The following CREB1 variants were observed in gnomAD, a reference collection of about 807,000 sequenced individuals.
CREB1 encodes cAMP responsive element binding protein 1, also known as cyclic AMP-responsive element-binding protein 1.
CREB1 carries 2 observed loss-of-function variants against 42.0 expected under a neutral mutation model. The observed-to-expected ratio is 0.05, with a 90% CI of 0.02 to 0.15. The LOEUF (loss-of-function observed/expected upper bound fraction) is 0.15. Ranked by LOEUF, CREB1 falls within the 10% of genes least tolerant of loss-of-function variation. The pLI is 1.00. For missense variants in CREB1, 199 were observed against 388.9 expected, an observed-to-expected ratio of 0.51 and a Z score of 4.11; for synonymous variants, 123 against 139.9, an observed-to-expected ratio of 0.88 and a Z score of 0.85.
intron 1 of CREB1, among the ~76,000 whole-genome samples, chr2:207,554,421 C>T (rs952593114): frequency 2.0e-5 from 3 of 152,094 alleles, no homozygotes; most frequent in Non-Finnish European, 4.4e-5. Context: ...AAGTCATGGG[C>T]TTTTTGTGTT....
chr2:207,605,662 A>G lies in CREB1; in HGVS notation c.*8604A>G, dbSNP rs1385992066. On this transcript the variant is annotated 3_prime_UTR_variant, in exon 8 of 8. Transcript: ENST00000353267. ...CTCTCCCTTTTTTTACACAAAAGGT[A>G]GGTACAAACAGTGGTTTATAAACTG... 1.3e-5 allele frequency among the ~76,000 whole-genome samples: 2 copies of G among 152,228 alleles called. No homozygotes were observed. The highest frequency in any genetic ancestry group is 2.4e-5 in the African/African-American group (1 of 41,462).
intron 1 of CREB1, among the ~76,000 whole-genome samples, chr2:207,532,248 G>A (rs1300786800): frequency 2.0e-5 from 3 of 151,700 alleles, no homozygotes; most frequent in South Asian, 2.1e-4. Context: ...CCAGCTACTC[G>A]GGGGGCTGGG....
chr2:207,563,280 G>T (rs1463245754), intron 3 of CREB1, among the ~76,000 whole-genome samples: 1 of 152,186 alleles, frequency 6.6e-6, no homozygotes, highest in African/African-American at 2.4e-5. Context: ...ACGTAAGTTT[G>T]TCTCCTTTAA....
chr2:207,559,963 T>G (rs191141318), intron 2 of CREB1, among the ~76,000 whole-genome samples: 1 of 152,328 alleles, frequency 6.6e-6, no homozygotes, highest in East Asian at 1.9e-4. Flanking sequence ...AGAGTCTGTA[T>G]TACATATTTG....
At chr2:207,530,266 G>C (rs1302346429) in intron 1 of CREB1, 132 bp downstream of exon 1, 1 of 152,002 alleles carries the variant, frequency 6.6e-6, no homozygotes, top group Non-Finnish European at 1.5e-5. Flanking sequence ...TGGAGCCTCC[G>C]CCCGAGCCCC....
chr2:207,552,128 A>G (rs924011156), intron 1 of CREB1, among the ~76,000 whole-genome samples: 2 of 152,054 alleles, frequency 1.3e-5, no homozygotes, highest in African/African-American at 4.8e-5. Flanking sequence ...AAATGATAAT[A>G]AAACACCAGT....
At position 207,576,003 on chromosome 2, in the gene CREB1, T is replaced by A. The variant is rs186471784; in HGVS notation, c.688+549T>A. Among the ~76,000 whole-genome samples, 1,260 of 146,738 alleles carry A rather than the reference T, an allele frequency of 8.6e-3. 22 individuals are homozygous for A. Among genetic ancestry groups the A allele is most frequent in the African/African-American group, 0.029 (1,169 of 39,986 alleles). On this transcript the variant is annotated intron_variant, in intron 6 of 7. Transcript: ENST00000353267. ...AGTTTTTATTATTATTATTATTATT[T>A]TTTTCTAGAGACATGGTCTCACTGT...
intron 7 of CREB1, among the ~76,000 whole-genome samples, chr2:207,594,314 T>G (rs1378105494): frequency 6.6e-6 from 1 of 152,194 alleles, no homozygotes; most frequent in African/African-American, 2.4e-5. Context: ...TGTGGTGCAG[T>G]AGATTTCCAG....
Position 207,605,642 on chromosome 2 carries a change from C to T in CREB1, c.*8584C>T, listed in dbSNP as rs930054136. On this transcript the variant is annotated 3_prime_UTR_variant, in exon 8 of 8. Coordinates refer to ENST00000353267, the MANE Select transcript of CREB1 (RefSeq NM_004379.5). ...TGTATGTTCTCTCCTCCTCCCTCTC[C>T]CTTTTTTTACACAAAAGGTAGGTAC... 2.6e-5 allele frequency among the ~76,000 whole-genome samples: 4 copies of T among 152,148 alleles called. No individual in the cohort carries two copies. The highest frequency in any genetic ancestry group is 2.9e-5 in the Non-Finnish European group (2 of 68,016).
In CREB1 at chr2:207,601,919, G is replaced by C. The variant is rs1318387710; in HGVS notation, c.*4861G>C. ...TGTAATAATGTTGACTATTAAGTTGGCTACACAGTCACTGTATGTACTAGG... is the reference window on the plus strand; with the variant it reads ...TGTAATAATGTTGACTATTAAGTTGCCTACACAGTCACTGTATGTACTAGG... On this transcript the variant is annotated 3_prime_UTR_variant, in exon 8 of 8. Coordinates refer to ENST00000353267, the MANE Select transcript of CREB1 (RefSeq NM_004379.5). 4.7e-6 allele frequency: 1 copy of C among 212,102 alleles called. No individual in the cohort carries two copies. The highest frequency in any genetic ancestry group is 9.5e-6 in the Non-Finnish European group (1 of 104,780). The allele number at this position is 212,102 out of a possible 1,614,324, so 13.1% of individuals were successfully genotyped here. A position where few individuals can be genotyped will look rare whatever the true frequency, so the allele number is the denominator to read the frequency against.
At chr2:207,586,826 T>G (rs2083927622) in intron 7 of CREB1, among the ~76,000 whole-genome samples, 1 of 152,238 alleles carries the variant, frequency 6.6e-6, no homozygotes, top group Non-Finnish European at 1.5e-5. Flanking sequence ...ATTGTCAGAT[T>G]AAAACCACAA....
intron 1 of CREB1, among the ~76,000 whole-genome samples, chr2:207,552,349 G>A (rs918559564): frequency 5.8e-4 from 89 of 152,140 alleles, no homozygotes; most frequent in African/African-American, 2.1e-3. Context: ...AAAAGATTAA[G>A]TAGTCTCAAT....
At chr2:207,566,747 G>A (rs1490765106) in intron 3 of CREB1, among the ~76,000 whole-genome samples, 2 of 152,124 alleles carry the variant, frequency 1.3e-5, no homozygotes, top group Non-Finnish European at 1.5e-5. Context: ...ACATTACTGT[G>A]AGTATTAAGT....
Position 207,602,780 on chromosome 2 carries a change from AT to A in CREB1, c.*5730del, listed in dbSNP as rs1223531205. ...TTAAAAGTGGGAAATAATTGTCAACATTTTTTTTGAGTATAGATTTATTAGG... is the reference window on the plus strand; with the variant it reads ...TTAAAAGTGGGAAATAATTGTCAACATTTTTTTGAGTATAGATTTATTAGG... On this transcript the variant is annotated 3_prime_UTR_variant, in exon 8 of 8. Coordinates refer to ENST00000353267, the MANE Select transcript of CREB1 (RefSeq NM_004379.5). 48 of 214,546 alleles carry A rather than the reference AT, an allele frequency of 2.2e-4. No homozygotes were observed. The highest frequency in any genetic ancestry group is 3.5e-4 in the East Asian group (5 of 14,468). 13.3% of individuals were successfully genotyped at this position (214,546 alleles called of 1,614,324 possible). A position where few individuals can be genotyped will look rare whatever the true frequency, so the allele number is the denominator to read the frequency against.
In CREB1 at chr2:207,603,475, GT is replaced by G. The variant is rs551183821; in HGVS notation, c.*6425del. 13 of 224,372 alleles carry G rather than the reference GT, an allele frequency of 5.8e-5. No individual in the cohort carries two copies. Among genetic ancestry groups the G allele is most frequent in the East Asian group, 1.3e-4 (2 of 15,542 alleles). The allele number at this position is 224,372 out of a possible 1,614,324, so 13.9% of individuals were successfully genotyped here. ...GGATGGGATCTCTATATTTTGTTGG[GT>G]TTTTTTTGCTAGTAGTGTGAAGCCA... On this transcript the variant is annotated 3_prime_UTR_variant, in exon 8 of 8. Transcript: ENST00000353267.
chr2:207,533,023 A>G (rs973317595), intron 1 of CREB1, among the ~76,000 whole-genome samples: 12 of 152,070 alleles, frequency 7.9e-5, no homozygotes, highest in Non-Finnish European at 1.3e-4. Flanking sequence ...GGAACATGTT[A>G]CTAAATTGTA....
chr2:207,557,097 C>T (rs2081757843), intron 2 of CREB1, among the ~76,000 whole-genome samples: 2 of 151,862 alleles, frequency 1.3e-5, no homozygotes, highest in African/African-American at 2.4e-5. Flanking sequence ...GAGATTGCGC[C>T]ACTGCATTCC....
At chr2:207,570,412 C>T (rs1387214073) in intron 5 of CREB1, 91 bp downstream of exon 5, 49 of 1,236,994 alleles carry the variant, frequency 4.0e-5, no homozygotes, top group Non-Finnish European at 5.4e-5. Flanking sequence ...GAAACCAATA[C>T]AAGTGCCAAG....
chr2:207,577,640 G>A lies in CREB1; in HGVS notation c.824G>A (p.Arg275His). ...AEEAARKREV[R>H]LMKNREAARE... ...GAAGCAGCACGAAAGAGAGAGGTCC[G>A]TCTAATGAAGAACAGGTACAAATAC... Residue 275 changes from arginine to histidine, a missense_variant, in exon 7 of 8, where the codon CGT becomes CAT. Physicochemically the swap from Arg to His is conservative, Grantham distance 29. Around this residue, in one of 4 missense-constraint regions of CREB1, gnomAD observed 14 missense variants for 93.0 expected, o/e 0.15. Coordinates refer to ENST00000353267, the MANE Select transcript of CREB1 (RefSeq NM_004379.5). 6.2e-7 allele frequency: 1 copy of A among 1,613,940 alleles called. No individual in the cohort carries two copies. Among genetic ancestry groups the A allele is most frequent in the Non-Finnish European group, 8.5e-7 (1 of 1,179,932 alleles).
Sources: allele counts gnomAD v4.1 joint callset (sites outside exome capture counted in the v4.1 genomes callset), GRCh38; gene constraint gnomAD v4.1.1; regional missense constraint gnomAD v4.1.1; transcripts MANE v1.5; gene names NCBI Gene and HGNC (gene_info 2026-07-23, HGNC 2026-07-21).